The following OPCML variants were observed in gnomAD, a reference collection of about 807,000 sequenced individuals.
OPCML encodes opioid binding protein/cell adhesion molecule like.
OPCML carries 13 observed loss-of-function variants against 37.8 expected under a neutral mutation model. The ratio of observed to expected loss-of-function variants is 0.34; its 90% confidence interval spans 0.22 to 0.55. The LOEUF (loss-of-function observed/expected upper bound fraction) is 0.55. OPCML is among the 20% of genes least tolerant of loss of function. The pLI is 0.91. For missense variants in OPCML, 341 were observed against 435.6 expected (o/e 0.78, Z 1.93); for synonymous variants, 176 against 168.8 (o/e 1.04, Z -0.33).
intron 4 of OPCML, among the ~76,000 whole-genome samples, chr11:132,452,557 TTTCC>T (rs1456574359): frequency 6.8e-6 from 1 of 147,092 alleles, no homozygotes; most frequent in African/African-American, 2.6e-5. Context: ...GCCTTCCTTT[TTTCC>T]TTCCTTCCTG....
At chr11:132,733,858 G>A (rs1945166453) in intron 2 of OPCML, among the ~76,000 whole-genome samples, 1 of 152,306 alleles carries the variant, frequency 6.6e-6, no homozygotes, top group South Asian at 2.1e-4. Context: ...CTCTAAAGTT[G>A]AAGGCAGGTG....
rs530157744 is a variant in OPCML at position 133,409,350 on chromosome 11, GAAGT to G, written c.61+122910_61+122913del. 7.2e-5 allele frequency among the ~76,000 whole-genome samples: 11 copies of G among 152,284 alleles called. No individual in the cohort carries two copies. The South Asian group carries it at 2.3e-3, about 32-fold the overall frequency. ...GGTGAGTTTAGAAAACTTGACAGAG[GAAGT>G]AATAATGTGGTTAGAGGAAAATTTA... is the stretch of plus-strand genomic sequence containing the variant. On this transcript the variant is annotated intron_variant, in intron 1 of 7. Coordinates refer to ENST00000524381, the MANE Select transcript of OPCML (RefSeq NM_001012393.5).
chr11:133,384,001 G>T (rs77867740), intron 1 of OPCML, among the ~76,000 whole-genome samples: 3,074 of 152,148 alleles, frequency 0.02, 108 homozygotes, highest in African/African-American at 0.069. Flanking sequence ...TGCCCCAGGA[G>T]AGTGTCACTT....
At chr11:132,908,421 G>A (rs1944316777) in intron 2 of OPCML, among the ~76,000 whole-genome samples, 1 of 152,114 alleles carries the variant, frequency 6.6e-6, no homozygotes, top group Non-Finnish European at 1.5e-5. Flanking sequence ...ATTTCTCTGG[G>A]TCCCTATAAA....
chr11:132,952,955 C>A (rs545337926), intron 1 of OPCML, among the ~76,000 whole-genome samples: 6 of 152,060 alleles, frequency 3.9e-5, no homozygotes, highest in Non-Finnish European at 8.8e-5. Context: ...AACATGACAA[C>A]AAAAAAACTT....
chr11:132,937,598 GTGTGTGTGTGTGTGTGTGT>G (rs1945432270), intron 2 of OPCML, among the ~76,000 whole-genome samples: 1 of 87,688 alleles, frequency 1.1e-5, no homozygotes, highest in African/African-American at 4.8e-5. Context: ...TGTGTGGGGT[GTGTGTGTGTGTGTGTGTGT>G]GTGTGTGTGT....
At chr11:133,450,648 G>A (rs1161313982) in intron 1 of OPCML, among the ~76,000 whole-genome samples, 1 of 151,686 alleles carries the variant, frequency 6.6e-6, no homozygotes. Flanking sequence ...CTGAAGACTA[G>A]CCTGGGTAGG....
At chr11:132,847,826 C>G (rs999224468) in intron 2 of OPCML, among the ~76,000 whole-genome samples, 2 of 152,140 alleles carry the variant, frequency 1.3e-5, no homozygotes, top group Non-Finnish European at 2.9e-5. Flanking sequence ...TTTGTTAGAG[C>G]CACATTTGTA....
chr11:133,486,037 C>T (rs1299094403), intron 1 of OPCML, among the ~76,000 whole-genome samples: 1 of 152,096 alleles, frequency 6.6e-6, no homozygotes, highest in African/African-American at 2.4e-5. Context: ...GTTAGAGGAT[C>T]TTTGTTTAAG....
At chr11:132,844,401 T>G (rs1325361089) in intron 2 of OPCML, among the ~76,000 whole-genome samples, 1 of 152,156 alleles carries the variant, frequency 6.6e-6, no homozygotes, top group Non-Finnish European at 1.5e-5. Context: ...CAATAAGAGA[T>G]GAACTTGCAG....
intron 2 of OPCML, among the ~76,000 whole-genome samples, chr11:132,886,629 C>T (rs1200220021): frequency 1.3e-5 from 2 of 152,218 alleles, no homozygotes; most frequent in Non-Finnish European, 2.9e-5. Flanking sequence ...CAGGCAGAGT[C>T]ACTTCTGCCA....
At position 132,552,174 on chromosome 11, in the gene OPCML, C is replaced by T. The variant is rs188242676; in HGVS notation, c.380-22988G>A. On this transcript the variant is annotated intron_variant, in intron 3 of 7. Transcript: ENST00000524381. The stretch of plus-strand genomic sequence containing the variant: ...GCCTGGTTATTTCCATTTCTATGTT[C>T]CCAAGTAATGCTGATGCTGCCGTTT... Among the ~76,000 whole-genome samples, 6 of 152,292 alleles carry T rather than the reference C, an allele frequency of 3.9e-5. No homozygotes were observed. The East Asian group carries it at 9.7e-4, about 25-fold the overall frequency.
rs112879269 is a variant in OPCML at position 133,027,470 on chromosome 11, AGT to A, written c.62-84462_62-84461del. ...TGTGTATGTCATATGTGGTCTATGTAGTGTGTGTGTGTGTGTGTGTTGTGTGT... is the reference window on the plus strand; with the variant it reads ...TGTGTATGTCATATGTGGTCTATGTAGTGTGTGTGTGTGTGTGTTGTGTGT... On this transcript the variant is annotated intron_variant, in intron 1 of 7. Transcript: ENST00000524381. Among the ~76,000 whole-genome samples the A allele has an allele frequency of 5.6e-3, 809 of 144,756 alleles. 3 individuals carry two copies. The highest frequency in any genetic ancestry group is 0.014 in the African/African-American group (553 of 39,326). 95.0% of individuals were successfully genotyped at this position (144,756 alleles called of 152,430 possible).
Position 133,352,627 on chromosome 11 carries a change from T to C in OPCML, c.61+179637A>G, listed in dbSNP as rs973697081. On this transcript the variant is annotated intron_variant, in intron 1 of 7. Transcript: ENST00000524381. ...TAAGGACTTAACTCTTTTATTGCTA[T>C]ATCCTTGTACTTACTACAGCGTATG... is the stretch of plus-strand genomic sequence containing the variant. 2.0e-5 allele frequency among the ~76,000 whole-genome samples: 3 copies of C among 152,246 alleles called. No homozygotes were observed. The East Asian group carries it at 5.8e-4, about 29-fold the overall frequency.
At chr11:132,498,458 C>A (rs1409977141) in intron 4 of OPCML, among the ~76,000 whole-genome samples, 1 of 152,210 alleles carries the variant, frequency 6.6e-6, no homozygotes, top group Non-Finnish European at 1.5e-5. Context: ...TTTTGCCATG[C>A]AGCTACAGGT....
intron 2 of OPCML, among the ~76,000 whole-genome samples, chr11:132,690,995 A>G (rs1269467289): frequency 6.6e-6 from 1 of 152,216 alleles, no homozygotes; most frequent in Non-Finnish European, 1.5e-5. Flanking sequence ...CAGACCACTA[A>G]TAAGACCTAA....
intron 2 of OPCML, among the ~76,000 whole-genome samples, chr11:132,831,465 G>T (rs1423623518): frequency 2.0e-5 from 3 of 152,150 alleles, no homozygotes; most frequent in African/African-American, 7.2e-5. Flanking sequence ...CATTAATGCA[G>T]CTGTGTCAGT....
At chr11:132,937,923 T>C (rs1945446202) in intron 2 of OPCML, among the ~76,000 whole-genome samples, 2 of 151,840 alleles carry the variant, frequency 1.3e-5, no homozygotes, top group African/African-American at 4.8e-5. Context: ...TCAGGGATAG[T>C]GAAGACTTTG....
rs558520671 is a variant in OPCML, at chr11:133,479,001, G to A, written c.61+53263C>T. Among the ~76,000 whole-genome samples the A allele has an allele frequency of 2.6e-5, 4 of 152,250 alleles. No individual in the cohort carries two copies. The East Asian group carries it at 7.7e-4, about 29-fold the overall frequency. Reference sequence around the variant, plus strand: ...ACTTAATCTACCTAAGCCTTGGGTTGCTTCATTGCTTTTCTTTTTTTGTAT... The same window carrying A: ...ACTTAATCTACCTAAGCCTTGGGTTACTTCATTGCTTTTCTTTTTTTGTAT... On this transcript the variant is annotated intron_variant, in intron 1 of 7. Transcript: ENST00000524381.
Sources: gnomAD v4.1 joint callset for allele counts (sites outside exome capture counted in the v4.1 genomes callset) on GRCh38, gnomAD v4.1.1 for gene constraint, MANE v1.5 for transcripts, NCBI Gene and HGNC (gene_info 2026-07-23, HGNC 2026-07-21) for gene names.